Variants in MCOLN2 observed in about 807,000 individuals in gnomAD.
MCOLN2 encodes the protein mucolipin-2.
A neutral mutation model predicts 67.5 loss-of-function variants in MCOLN2; 57 were observed. The ratio of observed to expected loss-of-function variants is 0.84; its 90% confidence interval spans 0.68 to 1.05. The LOEUF (loss-of-function observed/expected upper bound fraction) is 1.05. Ranked by LOEUF, MCOLN2 falls within the 50% of genes least tolerant of loss-of-function variation. MCOLN2 has a pLI of 0.00. For missense variants in MCOLN2, 620 were observed against 678.8 expected, an observed-to-expected ratio of 0.91 and a Z score of 0.96; for synonymous variants, 246 against 233.3, an observed-to-expected ratio of 1.05 and a Z score of -0.50.
Position 84,996,799 on chromosome 1 carries a change from A to G in MCOLN2, c.74T>C (p.Val25Ala), listed in dbSNP as rs761135259. ...AGATGAAGCCCAGACTCCTCACCTG[A>G]CGGTTAACCTGAAAACACCTGATCC... ...ERGSGVFRLT[V>A]RNAMAHRDSE... Residue 25 changes from valine (V) to alanine (A), a missense_variant, in exon 1 of 14, where the codon GTC (valine) becomes GCC (alanine). Physicochemically the swap from Val to Ala is moderately conservative, Grantham distance 64. Transcript: ENST00000370608. 10 of 1,613,908 alleles carry G rather than the reference A, an allele frequency of 6.2e-6. No individual in the cohort carries two copies. In the Admixed American group the frequency reaches 1.7e-4, roughly 27 times the overall value.
At chr1:84,939,380 C>T (rs202091420) in intron 9 of MCOLN2, among the ~76,000 whole-genome samples, 173 bp downstream of exon 9, 4 of 152,118 alleles carry the variant, frequency 2.6e-5, no homozygotes, top group Admixed American at 1.3e-4. Context: ...CATGGAACAT[C>T]GGCTTCCTTT....
chr1:84,929,900 G>A, intron 12 of MCOLN2: 10 of 309,960 alleles, frequency 3.2e-5, no homozygotes, highest in South Asian at 1.8e-4. Flanking sequence ...ACTTCAGAAA[G>A]AAAGCAGAGA....
chr1:84,926,611 T>A lies in MCOLN2; in HGVS notation c.*74A>T. ...AAGAGAGTCATTTTGGAACTGCTTG[T>A]CCAAGTCATTTGGGGTTCCTCTGCT... On this transcript the variant is annotated 3_prime_UTR_variant, in exon 14 of 14. Transcript: ENST00000370608. 8.7e-7 allele frequency: 1 copy of A among 1,149,498 alleles called. No homozygotes were observed. The highest frequency in any genetic ancestry group is 1.2e-6 in the Non-Finnish European group (1 of 808,368). 71.2% of individuals were successfully genotyped at this position (1,149,498 alleles called of 1,614,324 possible).
At chr1:84,973,057 G>A (rs1331904559) in intron 1 of MCOLN2, among the ~76,000 whole-genome samples, 1 of 152,130 alleles carries the variant, frequency 6.6e-6, no homozygotes, top group South Asian at 2.1e-4. Flanking sequence ...ACCATTCACT[G>A]GTATGTGAGA....
At chr1:84,992,153 A>AT (rs1369850486) in intron 1 of MCOLN2, among the ~76,000 whole-genome samples, 1 of 152,194 alleles carries the variant, frequency 6.6e-6, no homozygotes, top group East Asian at 1.9e-4. Context: ...AAGTAGTACA[A>AT]TTTTTTAAGG....
chr1:84,926,779 G>T, intron 13 of MCOLN2, 58 bp from the exon 14 acceptor site: 1 of 1,316,622 alleles, frequency 7.6e-7, no homozygotes, highest in African/African-American at 1.4e-5. Context: ...ACATCTTTGA[G>T]GAGCAATAGG....
At chr1:84,979,518 A>T (rs189743986) in intron 1 of MCOLN2, among the ~76,000 whole-genome samples, 6 of 152,384 alleles carry the variant, frequency 3.9e-5, no homozygotes, top group Admixed American at 6.5e-5. Flanking sequence ...GGATGGTTCA[A>T]CATATGCAAA....
chr1:84,943,931 C>T (rs1453103645), intron 7 of MCOLN2, among the ~76,000 whole-genome samples: 1 of 152,158 alleles, frequency 6.6e-6, no homozygotes, highest in Non-Finnish European at 1.5e-5. Flanking sequence ...AACAACTTAG[C>T]TCTATCATAA....
intron 2 of MCOLN2, among the ~76,000 whole-genome samples, chr1:84,963,732 C>T (rs1649220818): frequency 6.6e-6 from 1 of 152,186 alleles, no homozygotes; most frequent in African/African-American, 2.4e-5. Flanking sequence ...GCTTCCTCCT[C>T]GCCTTCCCCC....
chr1:84,934,212 G>C (rs1452638630), intron 11 of MCOLN2, among the ~76,000 whole-genome samples: 1 of 152,186 alleles, frequency 6.6e-6, no homozygotes, highest in Non-Finnish European at 1.5e-5. Context: ...CACTGGGAAT[G>C]TAAAGAGGAA....
chr1:84,944,871 C>T (rs1648004502), intron 7 of MCOLN2, among the ~76,000 whole-genome samples: 1 of 152,184 alleles, frequency 6.6e-6, no homozygotes, highest in African/African-American at 2.4e-5. Flanking sequence ...CGCCCTTGTC[C>T]TTGCCCACTT....
At chr1:84,971,105 G>C (rs1250790167) in intron 1 of MCOLN2, among the ~76,000 whole-genome samples, 1 of 152,136 alleles carries the variant, frequency 6.6e-6, no homozygotes, top group Non-Finnish European at 1.5e-5. Context: ...CAGAGCAGTT[G>C]TAATACTTTT....
chr1:84,935,670 T>G (rs767496699), intron 11 of MCOLN2, among the ~76,000 whole-genome samples: 1 of 152,228 alleles, frequency 6.6e-6, no homozygotes, highest in Non-Finnish European at 1.5e-5. Context: ...GTTTTTTTAT[T>G]TCTTCATGTA....
intron 1 of MCOLN2, among the ~76,000 whole-genome samples, chr1:84,967,028 A>G (rs1649414156): frequency 6.6e-6 from 1 of 152,254 alleles, no homozygotes; most frequent in Non-Finnish European, 1.5e-5. Flanking sequence ...CATATCATAT[A>G]TAAAGAAATA....
At chr1:84,990,829 G>C (rs977671148) in intron 1 of MCOLN2, among the ~76,000 whole-genome samples, 1 of 151,972 alleles carries the variant, frequency 6.6e-6, no homozygotes, top group Non-Finnish European at 1.5e-5. Flanking sequence ...AATTACTTGG[G>C]GGGGCTGAGG....
At chr1:84,946,168 C>T (rs1648092941) in intron 7 of MCOLN2, among the ~76,000 whole-genome samples, 1 of 152,160 alleles carries the variant, frequency 6.6e-6, no homozygotes, top group African/African-American at 2.4e-5. Context: ...CCCCACTGTC[C>T]AAGGCTCAGA....
chr1:84,988,933 T>C (rs559049844), intron 1 of MCOLN2, among the ~76,000 whole-genome samples: 9 of 152,332 alleles, frequency 5.9e-5, no homozygotes, highest in African/African-American at 2.2e-4. Context: ...CAGCTCTTTG[T>C]GTGTCTGGTT....
At chr1:84,983,427 C>T (rs1030412363) in intron 1 of MCOLN2, among the ~76,000 whole-genome samples, 4 of 151,852 alleles carry the variant, frequency 2.6e-5, no homozygotes, top group African/African-American at 9.7e-5. Flanking sequence ...TGCTGCCATG[C>T]CCAGCTTATT....
chr1:84,958,811 CA>C, intron 2 of MCOLN2, 109 bp from the exon 3 acceptor site: 1 of 843,056 alleles, frequency 1.2e-6, no homozygotes, highest in Admixed American at 3.5e-5. Flanking sequence ...AAAATAATAT[CA>C]ATTTTTTTTG....
Sources: gnomAD v4.1 joint callset for allele counts (sites outside exome capture counted in the v4.1 genomes callset) on GRCh38, gnomAD v4.1.1 for gene constraint, MANE v1.5 for transcripts, NCBI Gene and HGNC (gene_info 2026-07-23, HGNC 2026-07-21) for gene names.